The following RHOBTB3 variants were observed in gnomAD, a reference collection of about 807,000 sequenced individuals.
RHOBTB3 encodes Rho related BTB domain containing 3, also known as rho-related BTB domain-containing protein 3.
In RHOBTB3, 47 loss-of-function variants were observed where a neutral mutation model predicts 67.2. That is an observed-to-expected ratio of 0.70 (90% CI 0.55 to 0.89). The LOEUF (loss-of-function observed/expected upper bound fraction) is 0.89, where lower values mean the gene tolerates loss of function less well. Ranked by LOEUF, RHOBTB3 falls within the 40% of genes least tolerant of loss-of-function variation. The pLI, the probability that RHOBTB3 is intolerant of heterozygous loss-of-function variation, is 0.00. For missense variants in RHOBTB3, 631 were observed against 750.0 expected, an observed-to-expected ratio of 0.84 and a Z score of 1.85; for synonymous variants, 273 against 274.2, an observed-to-expected ratio of 1.00 and a Z score of 0.04.
chr5:95,734,333 C>T (rs1304513175), intron 2 of RHOBTB3, among the ~76,000 whole-genome samples: 1 of 151,990 alleles, frequency 6.6e-6, no homozygotes, highest in Non-Finnish European at 1.5e-5. Flanking sequence ...CCAAATGTGG[C>T]TCCAAGCCTT....
chr5:95,771,955 C>CT (rs1005575009), intron 8 of RHOBTB3, among the ~76,000 whole-genome samples: 5 of 110,796 alleles, frequency 4.5e-5, no homozygotes, highest in Non-Finnish European at 6.2e-5. Context: ...CTAAAATTAG[C>CT]TTTTAAAAAA....
At chr5:95,749,805 A>G (rs77633216) in intron 4 of RHOBTB3, among the ~76,000 whole-genome samples, 1,837 of 152,336 alleles carry the variant, frequency 0.012, 17 homozygotes, top group Middle Eastern at 0.02. Flanking sequence ...CTTGGAAGCC[A>G]CAGGTCTCCT....
At chr5:95,780,193 C>T in intron 8 of RHOBTB3, 59 bp from the exon 9 acceptor site, 1 of 1,440,006 alleles carries the variant, frequency 6.9e-7, no homozygotes, top group Non-Finnish European at 9.6e-7. Context: ...AGGAAAATTG[C>T]TGGAATAACC....
At chr5:95,765,785 C>T (rs1035896952) in intron 7 of RHOBTB3, among the ~76,000 whole-genome samples, 2 of 152,200 alleles carry the variant, frequency 1.3e-5, no homozygotes, top group African/African-American at 4.8e-5. Flanking sequence ...CCTCAGCCTC[C>T]CGAGTAGTTG....
chr5:95,778,753 G>T (rs1212209507), intron 8 of RHOBTB3, among the ~76,000 whole-genome samples: 1 of 152,144 alleles, frequency 6.6e-6, no homozygotes, highest in Admixed American at 6.5e-5. Flanking sequence ...TGACCTGTTT[G>T]TATTCTTTAT....
intron 11 of RHOBTB3, chr5:95,789,154 A>G (rs6556880): frequency 0.64 from 169,701 of 265,976 alleles, 55,117 homozygotes; most frequent in African/African-American, 0.76. Flanking sequence ...TCCTCAGGTG[A>G]CATTTGGTTG....
chr5:95,786,682 G>C (rs1318778258), intron 10 of RHOBTB3, among the ~76,000 whole-genome samples: 1 of 152,176 alleles, frequency 6.6e-6, no homozygotes. Context: ...TTGTATTTCT[G>C]AGAGTTTCCA....
chr5:95,762,433 C>T (rs1745420169), intron 6 of RHOBTB3, among the ~76,000 whole-genome samples: 1 of 152,102 alleles, frequency 6.6e-6, no homozygotes, highest in South Asian at 2.1e-4. Context: ...TCCATGAAGG[C>T]ATCTGGTGAG....
chr5:95,758,830 T>C (rs542705006), intron 6 of RHOBTB3, among the ~76,000 whole-genome samples: 7 of 152,324 alleles, frequency 4.6e-5, no homozygotes, highest in African/African-American at 1.7e-4. Flanking sequence ...GAGGTGGTGC[T>C]GGATCTCTGG....
intron 2 of RHOBTB3, 167 bp downstream of exon 2, chr5:95,732,251 G>C: frequency 3.0e-6 from 2 of 667,766 alleles, no homozygotes; most frequent in Non-Finnish European, 5.3e-6. Flanking sequence ...CACTGGGCAG[G>C]GAACAGCCCT....
upstream of RHOBTB3, among the ~76,000 whole-genome samples, chr5:95,728,115 T>C (rs535865189): frequency 6.7e-4 from 102 of 152,228 alleles, no homozygotes; most frequent in Non-Finnish European, 1.2e-3. Flanking sequence ...TGCACAAAAG[T>C]TGAGAAACGT....
Position 95,752,353 on chromosome 5 carries a change from G to T in RHOBTB3, c.682+3G>T, listed in dbSNP as rs1271453908. On this transcript the variant is annotated splice_donor_region_variant and intron_variant, in intron 5 of 11. Transcript: ENST00000379982. ...ACCACCTCAACTTGAACAACCAGGT[G>T]CATTTCTTAGCCAATGTCTAGACAT... The T allele has an allele frequency of 6.5e-7, 1 of 1,546,520 alleles. No individual in the cohort carries two copies. Among genetic ancestry groups the T allele is most frequent in the East Asian group, 2.3e-5 (1 of 44,326 alleles).
At chr5:95,771,924 T>G (rs1745726002) in intron 8 of RHOBTB3, among the ~76,000 whole-genome samples, 1 of 150,768 alleles carries the variant, frequency 6.6e-6, no homozygotes, top group South Asian at 2.1e-4. Flanking sequence ...GATTGGTAAA[T>G]TAAAAAATAT....
intron 3 of RHOBTB3, among the ~76,000 whole-genome samples, chr5:95,740,139 A>C (rs1426054865): frequency 1.3e-5 from 2 of 152,178 alleles, no homozygotes; most frequent in African/African-American, 4.8e-5. Context: ...GCCTGCTGCC[A>C]TGTAAGATGT....
upstream of RHOBTB3, among the ~76,000 whole-genome samples, chr5:95,727,291 T>C (rs1755085038): frequency 8.5e-6 from 1 of 117,652 alleles, no homozygotes; most frequent in South Asian, 3.4e-4. Context: ...CCTTAAAACA[T>C]AGTTGGAAAA....
At chr5:95,730,776 TG>T, upstream of RHOBTB3, 3 of 401,220 alleles carry the variant, frequency 7.5e-6, no homozygotes, top group South Asian at 3.5e-5. Context: ...GCAAATTAAT[TG>T]GTGTGTGAAC....
chr5:95,744,355 C>T (rs952521947), intron 3 of RHOBTB3, among the ~76,000 whole-genome samples: 1 of 152,132 alleles, frequency 6.6e-6, no homozygotes, highest in African/African-American at 2.4e-5. Context: ...AACTTTCTCT[C>T]CTCTGTTGTG....
chr5:95,785,285 A>G (rs900858134), intron 10 of RHOBTB3, among the ~76,000 whole-genome samples: 5 of 152,222 alleles, frequency 3.3e-5, no homozygotes, highest in Non-Finnish European at 7.3e-5. Context: ...AATTAGGGCT[A>G]AAAACAAATT....
chr5:95,752,479 C>T, intron 5 of RHOBTB3, 129 bp downstream of exon 5: 1 of 702,764 alleles, frequency 1.4e-6, no homozygotes, highest in Non-Finnish European at 2.5e-6. Context: ...ATTCAGTCAA[C>T]CTGGGATAAG....
Sources: allele counts gnomAD v4.1 joint callset (sites outside exome capture counted in the v4.1 genomes callset), GRCh38; gene constraint gnomAD v4.1.1; transcripts MANE v1.5; gene names NCBI Gene and HGNC (gene_info 2026-07-23, HGNC 2026-07-21).